NEK1: variants seen among roughly 807,000 people sequenced by gnomAD.
The protein encoded by NEK1 is serine/threonine-protein kinase Nek1.
Under a neutral mutation model 182.1 loss-of-function variants are expected in NEK1, and 137 were observed. The observed-to-expected ratio is 0.75, with a 90% CI of 0.65 to 0.87. NEK1 has a LOEUF of 0.87. NEK1 is among the 40% of genes least tolerant of loss of function. NEK1 has a pLI of 0.00. For synonymous variants in NEK1, 513 were observed against 492.2 expected (o/e 1.04, Z -0.56); for missense variants, 1,391 against 1,494.4 (o/e 0.93, Z 1.14).
intron 18 of NEK1, among the ~76,000 whole-genome samples, chr4:169,546,752 T>A (rs1482835996): frequency 6.6e-6 from 1 of 152,230 alleles, no homozygotes; most frequent in Admixed American, 6.5e-5. Flanking sequence ...TCTCGTTTGA[T>A]CTTTGTTGGT....
At chr4:169,441,196 G>C (rs529109265) in intron 27 of NEK1, among the ~76,000 whole-genome samples, 41 of 152,284 alleles carry the variant, frequency 2.7e-4, no homozygotes, top group African/African-American at 9.6e-4. Context: ...TGCCTTCCTG[G>C]AGTTGCTGGT....
intron 12 of NEK1, among the ~76,000 whole-genome samples, chr4:169,564,130 T>G (rs1183501518): frequency 6.6e-6 from 1 of 152,110 alleles, no homozygotes; most frequent in East Asian, 1.9e-4. Context: ...CTAACTACAA[T>G]TCTATATACC....
chr4:169,507,726 C>A lies in NEK1; in HGVS notation c.1900G>T (p.Glu634Ter), dbSNP rs199678116. 1 of 1,612,068 alleles carries A rather than the reference C, an allele frequency of 6.2e-7. No individual in the cohort carries two copies. The highest frequency in any genetic ancestry group is 8.5e-7 in the Non-Finnish European group (1 of 1,178,798). ...EEADMRRKKIESLKAHANARA... is the reference protein window; with the variant it reads ...EEADMRRKKI Reference sequence around the variant, plus strand: ...TTTCTAGTCTATACCTTCAGTGATTCGATTTTTTTGCGCCTCATGTCAGCC... The same window carrying A: ...TTTCTAGTCTATACCTTCAGTGATTAGATTTTTTTGCGCCTCATGTCAGCC... The change falls in exon 22 of 36, where the codon GAA becomes TAA. Residue 634 changes from glutamate to a stop codon, truncating the protein, a stop_gained. Coordinates refer to ENST00000507142, the MANE Select transcript of NEK1 (RefSeq NM_001199397.3). LOFTEE classifies it high-confidence loss of function.
chr4:169,477,245 ATCTTCATG>A lies in NEK1; in HGVS notation c.2305_2312del (p.His769CysfsTer5). On this transcript the variant is annotated frameshift_variant, in exon 26 of 36. Coordinates refer to ENST00000507142, the MANE Select transcript of NEK1 (RefSeq NM_001199397.3). LOFTEE classifies it high-confidence loss of function. ...ATTTTTCTTTTTCATGCTCTTTGGC[ATCTTCATG>A]AACATTTATCTCAAAAGTATCAGAG... is the stretch of plus-strand genomic sequence containing the variant. 1 of 1,601,828 alleles carries A rather than the reference ATCTTCATG, an allele frequency of 6.2e-7. No individual in the cohort carries two copies. Among genetic ancestry groups the A allele is most frequent in the Non-Finnish European group, 8.5e-7 (1 of 1,172,910 alleles).
At chr4:169,399,403 CCT>C (rs1731258449) in intron 35 of NEK1, among the ~76,000 whole-genome samples, 1 of 151,780 alleles carries the variant, frequency 6.6e-6, no homozygotes, top group South Asian at 2.1e-4. Context: ...ATGGTGAAAC[CCT>C]GTCTCTACTA....
chr4:169,531,818 T>C (rs1369894879), intron 19 of NEK1, among the ~76,000 whole-genome samples: 1 of 152,152 alleles, frequency 6.6e-6, no homozygotes, highest in Non-Finnish European at 1.5e-5. Context: ...GGTATGTATA[T>C]AAATAAGTGA....
At chr4:169,463,209 T>C (rs777617019) in intron 27 of NEK1, 34 bp downstream of exon 27, 3 of 1,223,380 alleles carry the variant, frequency 2.5e-6, no homozygotes, top group East Asian at 5.3e-5. Flanking sequence ...ATAATATTAC[T>C]TCTAGTATAG....
chr4:169,398,192 A>AC (rs1350855644), intron 35 of NEK1, among the ~76,000 whole-genome samples: 1 of 152,148 alleles, frequency 6.6e-6, no homozygotes, highest in Non-Finnish European at 1.5e-5. Flanking sequence ...GAAAATGTTT[A>AC]CCTTTTATAT....
intron 31 of NEK1, among the ~76,000 whole-genome samples, chr4:169,416,547 T>G (rs1448933293): frequency 1.3e-5 from 2 of 152,226 alleles, no homozygotes; most frequent in African/African-American, 4.8e-5. Flanking sequence ...TTAACAATCC[T>G]CACATTAGGT....
At chr4:169,444,207 GAAC>G (rs1274500578) in intron 27 of NEK1, among the ~76,000 whole-genome samples, 9 of 151,962 alleles carry the variant, frequency 5.9e-5, no homozygotes, top group African/African-American at 1.9e-4. Flanking sequence ...AGAAAGAAAA[GAAC>G]AACAAATATA....
Position 169,508,775 on chromosome 4 carries a change from C to T in NEK1, c.1743G>A (p.Glu581=). Residue 581 remains glutamate, a synonymous_variant, in exon 20 of 36, where the codon GAG becomes GAA. Transcript: ENST00000507142. ...GAACATGCGGGAAGCATACCTCTTC[C>T]TCTTTGTTTCTTGGCTTCCCTCCTC... is the stretch of plus-strand genomic sequence containing the variant. ...SSRGGKPRNK[E]EEVYLARLRQ... The T allele has an allele frequency of 1.3e-6, 2 of 1,579,070 alleles. No homozygotes were observed. The highest frequency in any genetic ancestry group is 1.1e-5 in the South Asian group (1 of 87,248).
chr4:169,441,878 A>G (rs1346791211), intron 27 of NEK1, among the ~76,000 whole-genome samples: 1 of 150,424 alleles, frequency 6.6e-6, no homozygotes, highest in Non-Finnish European at 1.5e-5. Context: ...CAATAGTGCT[A>G]TGTGTATTGT....
At chr4:169,404,761 T>A (rs1435249311) in intron 32 of NEK1, among the ~76,000 whole-genome samples, 1 of 142,888 alleles carries the variant, frequency 7.0e-6, no homozygotes, top group East Asian at 2.2e-4. Flanking sequence ...GAAGGTTCTT[T>A]TTGTTTTTTT....
chr4:169,589,485 T>G lies in NEK1; in HGVS notation c.426A>C (p.Val142=), dbSNP rs200769726. 2 of 1,515,144 alleles carry G rather than the reference T, an allele frequency of 1.3e-6. No individual in the cohort carries two copies. The highest frequency in any genetic ancestry group is 1.8e-6 in the Non-Finnish European group (2 of 1,120,680). The allele number at this position is 1,515,144 out of a possible 1,614,324, so 93.9% of individuals were successfully genotyped here. A position where few individuals can be genotyped will look rare whatever the true frequency, so the allele number is the denominator to read the frequency against. The change falls in exon 7 of 36, where the codon GTA becomes GTC. Residue 142 remains valine, a synonymous_variant. Transcript: ENST00000507142. ...TAGCAATTCCAAAATCTCCAAGTTGTACTGTTCCATCTTTAGTTAAAAATA... is the reference window on the plus strand; with the variant it reads ...TAGCAATTCCAAAATCTCCAAGTTGGACTGTTCCATCTTTAGTTAAAAATA... ...QNIFLTKDGT[V]QLGDFGIARV...
At chr4:169,544,612 T>G (rs1246458939) in intron 18 of NEK1, among the ~76,000 whole-genome samples, 2 of 146,632 alleles carry the variant, frequency 1.4e-5, no homozygotes, top group Non-Finnish European at 3.0e-5. Context: ...TTTTTTTTTT[T>G]TTTTTTTTTT....
At chr4:169,423,993 T>C (rs769339434) in intron 31 of NEK1, among the ~76,000 whole-genome samples, 1 of 152,182 alleles carries the variant, frequency 6.6e-6, no homozygotes, top group Non-Finnish European at 1.5e-5. Flanking sequence ...AAAAGTTATG[T>C]ATATGCAAAG....
chr4:169,488,044 T>C (rs1169500110), intron 23 of NEK1, among the ~76,000 whole-genome samples: 1 of 152,162 alleles, frequency 6.6e-6, no homozygotes, highest in African/African-American at 2.4e-5. Flanking sequence ...TGTAAATTTG[T>C]TTAAGTTCCT....
chr4:169,551,303 C>T lies in NEK1; in HGVS notation c.1562+4417G>A, dbSNP rs1275141240. 2.0e-5 allele frequency among the ~76,000 whole-genome samples: 3 copies of T among 152,232 alleles called. No homozygotes were observed. The East Asian group carries it at 5.8e-4, about 29-fold the overall frequency. On this transcript the variant is annotated intron_variant, in intron 18 of 35. Transcript: ENST00000507142. ...AAACTGGCACTTTTCTAGAAAAAAA[C>T]TTAGTAATATTTCTTTCAAGAATCT...
intron 5 of NEK1, among the ~76,000 whole-genome samples, chr4:169,593,602 T>C (rs1351950228): frequency 6.6e-6 from 1 of 152,188 alleles, no homozygotes; most frequent in Non-Finnish European, 1.5e-5. Flanking sequence ...AAATGTTACA[T>C]TTTCATTCCC....
Sources: gnomAD v4.1 joint callset for allele counts (sites outside exome capture counted in the v4.1 genomes callset) on GRCh38, gnomAD v4.1.1 for gene constraint, MANE v1.5 for transcripts, NCBI Gene and HGNC (gene_info 2026-07-23, HGNC 2026-07-21) for gene names.